Variants in NAALADL2 observed in about 807,000 individuals in gnomAD.
NAALADL2 encodes inactive N-acetylated-alpha-linked acidic dipeptidase-like protein 2.
Under a neutral mutation model 87.2 loss-of-function variants are expected in NAALADL2, and 76 were observed. That is an observed-to-expected ratio of 0.87 (90% CI 0.72 to 1.05). The LOEUF is 1.05. NAALADL2 is among the 50% of genes least tolerant of loss of function. NAALADL2 has a pLI of 0.00. For missense variants in NAALADL2, 1,089 were observed against 945.8 expected (o/e 1.15, Z -1.99); for synonymous variants, 354 against 331.0 (o/e 1.07, Z -0.75).
At chr3:174,917,180 C>T (rs1734529834) in intron 1 of NAALADL2, among the ~76,000 whole-genome samples, 1 of 152,008 alleles carries the variant, frequency 6.6e-6, no homozygotes, top group African/African-American at 2.4e-5. Context: ...TTTGTAAACA[C>T]AAATGGTTTA....
In NAALADL2 at chr3:175,256,392, G is replaced by T. The variant is rs773456400; in HGVS notation, c.820-19G>T. 1.8e-5 allele frequency: 28 copies of T among 1,590,038 alleles called. No individual in the cohort carries two copies. The highest frequency in any genetic ancestry group is 2.2e-5 in the East Asian group (1 of 44,456). On this transcript the variant is annotated intron_variant, in intron 3 of 13. Coordinates refer to ENST00000454872, the MANE Select transcript of NAALADL2 (RefSeq NM_207015.3). ...TTCCTCTGAGGCTTTATTTTTCTTTGTTTTTTCTCCTCTTTCAGGCTGAAG... is the reference window on the plus strand; with the variant it reads ...TTCCTCTGAGGCTTTATTTTTCTTTTTTTTTTCTCCTCTTTCAGGCTGAAG...
chr3:175,014,330 C>T (rs1750543701), intron 1 of NAALADL2, among the ~76,000 whole-genome samples: 1 of 152,054 alleles, frequency 6.6e-6, no homozygotes, highest in East Asian at 1.9e-4. Context: ...CAACACCTAC[C>T]TGCACCCCCA....
chr3:174,848,701 T>G (rs376817894), intron 3 of NAALADL2, among the ~76,000 whole-genome samples: 3 of 152,346 alleles, frequency 2.0e-5, no homozygotes, highest in African/African-American at 7.2e-5. Flanking sequence ...TTTTGTAATG[T>G]GTGTTTTAAA....
intron 1 of NAALADL2, among the ~76,000 whole-genome samples, chr3:175,043,776 A>G (rs1026507789): frequency 6.6e-6 from 1 of 152,142 alleles, no homozygotes; most frequent in Non-Finnish European, 1.5e-5. Flanking sequence ...TTCAATTACT[A>G]GAGCTTTGTA....
chr3:174,885,546 A>G (rs1001920168), intron 1 of NAALADL2, among the ~76,000 whole-genome samples: 1 of 152,168 alleles, frequency 6.6e-6, no homozygotes, highest in Non-Finnish European at 1.5e-5. Context: ...TATTTTGTGT[A>G]ATTCTCTAAA....
chr3:174,743,615 A>C (rs911625268), intron 3 of NAALADL2, among the ~76,000 whole-genome samples: 8 of 151,824 alleles, frequency 5.3e-5, no homozygotes, highest in African/African-American at 1.9e-4. Context: ...TCTTTTAGAG[A>C]AACAGCATAT....
chr3:175,228,199 G>A (rs1744435003), intron 2 of NAALADL2, among the ~76,000 whole-genome samples: 1 of 151,842 alleles, frequency 6.6e-6, no homozygotes. Context: ...TCTCTAATTG[G>A]TGAGATAATG....
At chr3:175,142,077 C>T (rs2108731096) in intron 2 of NAALADL2, among the ~76,000 whole-genome samples, 1 of 152,142 alleles carries the variant, frequency 6.6e-6, no homozygotes. Context: ...CGACCTCATG[C>T]CCAGCACAAT....
chr3:174,461,387 C>CAAT (rs1439379972), intron 1 of NAALADL2, among the ~76,000 whole-genome samples: 1 of 151,946 alleles, frequency 6.6e-6, no homozygotes, highest in Non-Finnish European at 1.5e-5. Context: ...ATATTCTTTT[C>CAAT]AATAAAGTTT....
intron 1 of NAALADL2, among the ~76,000 whole-genome samples, chr3:174,900,171 CA>C (rs943927460): frequency 7.9e-5 from 12 of 151,956 alleles, no homozygotes; most frequent in African/African-American, 2.9e-4. Context: ...GTAATTGGCA[CA>C]AGAATAGTGA....
At chr3:174,456,313 T>TCTATCAAA (rs1436347636) in intron 1 of NAALADL2, among the ~76,000 whole-genome samples, 1 of 150,528 alleles carries the variant, frequency 6.6e-6, no homozygotes, top group Non-Finnish European at 1.5e-5. Flanking sequence ...CAATGCTATT[T>TCTATCAAA]CTATCAAACT....
intron 3 of NAALADL2, among the ~76,000 whole-genome samples, chr3:174,833,345 A>T (rs181488921): frequency 3.3e-5 from 5 of 152,288 alleles, no homozygotes; most frequent in Admixed American, 3.3e-4. Context: ...CATACTATCA[A>T]TACTGACTCA....
At chr3:175,022,680 A>T (rs572245429) in intron 1 of NAALADL2, among the ~76,000 whole-genome samples, 1 of 152,224 alleles carries the variant, frequency 6.6e-6, no homozygotes, top group African/African-American at 2.4e-5. Flanking sequence ...CTGGCCAAAG[A>T]CTAGATACCA....
At chr3:175,183,514 A>G (rs1338548839) in intron 2 of NAALADL2, among the ~76,000 whole-genome samples, 3 of 152,044 alleles carry the variant, frequency 2.0e-5, no homozygotes, top group Non-Finnish European at 4.4e-5. Flanking sequence ...TATACCTTCT[A>G]TATCTAATTT....
intron 5 of NAALADL2, among the ~76,000 whole-genome samples, chr3:175,407,059 A>G (rs6762239): frequency 0.8 from 120,648 of 151,566 alleles, 48,126 homozygotes; most frequent in Middle Eastern, 0.87. Flanking sequence ...TGGCATGCAC[A>G]TGTAATCCCA....
intron 12 of NAALADL2, among the ~76,000 whole-genome samples, chr3:175,740,716 A>G (rs1422267816): frequency 6.6e-6 from 1 of 152,230 alleles, no homozygotes; most frequent in African/African-American, 2.4e-5. Flanking sequence ...TCCTGAATAT[A>G]AACAAGCATT....
intron 2 of NAALADL2, among the ~76,000 whole-genome samples, chr3:175,181,490 T>A (rs1195502019): frequency 6.6e-6 from 1 of 151,656 alleles, no homozygotes; most frequent in Non-Finnish European, 1.5e-5. Context: ...CCCTAAATTC[T>A]GGTAACCAAC....
chr3:175,370,742 T>G (rs1417474129), intron 5 of NAALADL2, among the ~76,000 whole-genome samples: 2 of 152,212 alleles, frequency 1.3e-5, no homozygotes, highest in South Asian at 2.1e-4. Context: ...CTGTGATATT[T>G]CTACCTTATT....
intron 2 of NAALADL2, among the ~76,000 whole-genome samples, chr3:175,175,757 A>G (rs1183080978): frequency 6.6e-6 from 1 of 152,058 alleles, no homozygotes; most frequent in African/African-American, 2.4e-5. Context: ...TGTTCACTCA[A>G]TCTGTACTAG....
Sources: allele counts gnomAD v4.1 joint callset (sites outside exome capture counted in the v4.1 genomes callset), GRCh38; gene constraint gnomAD v4.1.1; transcripts MANE v1.5; gene names NCBI Gene and HGNC (gene_info 2026-07-23, HGNC 2026-07-21).